The following CWF19L2 variants were observed in gnomAD, a reference collection of about 807,000 sequenced individuals.
The protein encoded by CWF19L2 is CWF19 like cell cycle control factor 2.
CWF19L2 carries 98 observed loss-of-function variants against 111.7 expected under a neutral mutation model. That is an observed-to-expected ratio of 0.88 (90% CI 0.75 to 1.04). The LOEUF is 1.04. Among genes scored for constraint, CWF19L2 ranks in the 50% least tolerant of loss-of-function variants. The pLI is 0.00. For synonymous variants in CWF19L2, 351 were observed against 342.9 expected (o/e 1.02, Z -0.26); for missense variants, 1,101 against 1,051.4 (o/e 1.05, Z -0.65).
intron 3 of CWF19L2, among the ~76,000 whole-genome samples, chr11:107,446,152 A>AGCTGC (rs1861699453): frequency 6.6e-6 from 1 of 152,216 alleles, no homozygotes; most frequent in Non-Finnish European, 1.5e-5. Context: ...GAGATTTTCT[A>AGCTGC]ATAAATGCAG....
At chr11:107,404,155 T>G (rs1165044338) in intron 10 of CWF19L2, 64 of 775,592 alleles carry the variant, frequency 8.3e-5, no homozygotes, top group Non-Finnish European at 1.2e-4. Flanking sequence ...TTCTGCACGA[T>G]TTTTTGCATT....
In CWF19L2 at chr11:107,452,129, G is replaced by T. The variant is rs148375816; in HGVS notation, c.339+2321C>A. The stretch of plus-strand genomic sequence containing the variant: ...ATAAAACAGGCACAGAGACTGAAAA[G>T]AAAAAAGTAAAAGTCTTTTTCACAC... On this transcript the variant is annotated intron_variant, in intron 3 of 17. Coordinates refer to ENST00000282251, the MANE Select transcript of CWF19L2 (RefSeq NM_152434.3). 7.2e-4 allele frequency among the ~76,000 whole-genome samples: 110 copies of T among 152,066 alleles called. 1 individual carries two copies. In the East Asian group the frequency reaches 0.02, roughly 28 times the overall value.
At chr11:107,390,516 C>T (rs1860832184) in intron 11 of CWF19L2, among the ~76,000 whole-genome samples, 1 of 152,194 alleles carries the variant, frequency 6.6e-6, no homozygotes, top group Admixed American at 6.5e-5. Context: ...TGCTCTTCTT[C>T]TCCTTATAGT....
At chr11:107,385,259 T>C (rs1022258797) in intron 12 of CWF19L2, among the ~76,000 whole-genome samples, 5 of 151,680 alleles carry the variant, frequency 3.3e-5, no homozygotes, top group African/African-American at 1.2e-4. Flanking sequence ...TTGGCCCCAC[T>C]GCACATAGGT....
In CWF19L2 at chr11:107,402,838, C is replaced by G. The variant is rs191876435; in HGVS notation, c.1618-9943G>C. On this transcript the variant is annotated intron_variant, in intron 10 of 17. Coordinates refer to ENST00000282251, the MANE Select transcript of CWF19L2 (RefSeq NM_152434.3). The stretch of plus-strand genomic sequence containing the variant: ...AAATCAGAGAACCAACCCAAATGCC[C>G]ATCAATCAACGAGTGGATAAACAAA... Among the ~76,000 whole-genome samples, 690 of 136,884 alleles carry G rather than the reference C, an allele frequency of 5.0e-3. 15 individuals are homozygous for G. The highest frequency in any genetic ancestry group is 0.018 in the African/African-American group (665 of 36,186). 89.8% of individuals were successfully genotyped at this position (136,884 alleles called of 152,430 possible).
chr11:107,407,791 T>C (rs1861101593), intron 10 of CWF19L2, among the ~76,000 whole-genome samples: 1 of 152,042 alleles, frequency 6.6e-6, no homozygotes, highest in South Asian at 2.1e-4. Context: ...AAACAACTAC[T>C]CTACAATTTC....
intron 3 of CWF19L2, among the ~76,000 whole-genome samples, chr11:107,452,696 G>GA (rs1861793612): frequency 6.6e-6 from 1 of 151,846 alleles, no homozygotes; most frequent in East Asian, 1.9e-4. Flanking sequence ...AACTTCTAGG[G>GA]AAAAAAAATA....
chr11:107,334,891 A>G lies in CWF19L2; in HGVS notation c.2429T>C (p.Ile810Thr), dbSNP rs745791144. 11 of 1,588,700 alleles carry G rather than the reference A, an allele frequency of 6.9e-6. No individual in the cohort carries two copies. Among genetic ancestry groups the G allele is most frequent in the South Asian group, 6.7e-5 (6 of 90,024 alleles). ...KKLIDLSSKDIRKSVPRGLPY... is the reference protein window; with the variant it reads ...KKLIDLSSKDTRKSVPRGLPY... ...AAAAAACATACTTACAGACTTTCTG[A>G]TATCTTTTGAAGAGAGATCTATCAA... The change falls in exon 16 of 18, where the codon ATC becomes ACC. Residue 810 changes from isoleucine to threonine, a missense_variant. By Grantham distance (89) the Ile-to-Thr change is moderately conservative. Transcript: ENST00000282251.
At chr11:107,364,980 G>A (rs1860416376) in intron 12 of CWF19L2, among the ~76,000 whole-genome samples, 1 of 110,238 alleles carries the variant, frequency 9.1e-6, no homozygotes, top group South Asian at 3.4e-4. Context: ...AATAAAAAAT[G>A]ATAAAGGGGA....
At chr11:107,399,648 A>G (rs1219765913) in intron 10 of CWF19L2, among the ~76,000 whole-genome samples, 2 of 152,198 alleles carry the variant, frequency 1.3e-5, no homozygotes, top group Non-Finnish European at 2.9e-5. Flanking sequence ...TGATAGCCCT[A>G]GATAGGTCAT....
At chr11:107,380,002 G>A (rs1009804912) in intron 12 of CWF19L2, among the ~76,000 whole-genome samples, 2 of 119,682 alleles carry the variant, frequency 1.7e-5, no homozygotes, top group South Asian at 2.8e-4. Flanking sequence ...AGCTGAGATC[G>A]TACCACTGCC....
intron 12 of CWF19L2, among the ~76,000 whole-genome samples, chr11:107,382,678 C>A (rs565087372): frequency 7.9e-5 from 12 of 152,274 alleles, no homozygotes; most frequent in African/African-American, 2.9e-4. Context: ...TTATGATATG[C>A]GTTGGTTTTC....
At chr11:107,361,843 G>C (rs944521871) in intron 12 of CWF19L2, among the ~76,000 whole-genome samples, 3 of 152,232 alleles carry the variant, frequency 2.0e-5, no homozygotes, top group South Asian at 2.1e-4. Flanking sequence ...AACAGGAAGA[G>C]CTCTGGTCTA....
intron 13 of CWF19L2, among the ~76,000 whole-genome samples, chr11:107,349,529 G>C (rs924601320): frequency 8.5e-5 from 13 of 152,074 alleles, no homozygotes; most frequent in African/African-American, 2.9e-4. Context: ...CTAAGACGAA[G>C]AGGAAATGAC....
At chr11:107,407,181 T>C (rs1395410137) in intron 10 of CWF19L2, among the ~76,000 whole-genome samples, 2 of 152,178 alleles carry the variant, frequency 1.3e-5, no homozygotes, top group African/African-American at 2.4e-5. Context: ...TTATGCACTA[T>C]GAAATTGAAA....
At chr11:107,405,119 C>T (rs1365933907) in intron 10 of CWF19L2, among the ~76,000 whole-genome samples, 5 of 152,094 alleles carry the variant, frequency 3.3e-5, no homozygotes, top group African/African-American at 2.4e-5. Flanking sequence ...TGGGGGAAAT[C>T]AAAACAATAG....
intron 12 of CWF19L2, among the ~76,000 whole-genome samples, chr11:107,359,268 A>G (rs1860286334): frequency 6.6e-6 from 1 of 152,200 alleles, no homozygotes; most frequent in Non-Finnish European, 1.5e-5. Flanking sequence ...TCTTACTGGA[A>G]TAGATACTTT....
intron 11 of CWF19L2, among the ~76,000 whole-genome samples, chr11:107,391,187 T>C (rs1240480083): frequency 6.6e-6 from 1 of 152,158 alleles, no homozygotes; most frequent in Non-Finnish European, 1.5e-5. Flanking sequence ...GGACTTTACC[T>C]TGTCATTGTG....
intron 10 of CWF19L2, among the ~76,000 whole-genome samples, chr11:107,406,988 A>ACCAT (rs1861087911): frequency 6.6e-6 from 1 of 151,954 alleles, no homozygotes; most frequent in Non-Finnish European, 1.5e-5. Context: ...AGTAGACAAG[A>ACCAT]CCATAATAAA....
Sources: allele counts gnomAD v4.1 joint callset (sites outside exome capture counted in the v4.1 genomes callset), GRCh38; gene constraint gnomAD v4.1.1; transcripts MANE v1.5; gene names NCBI Gene and HGNC (gene_info 2026-07-23, HGNC 2026-07-21).